The following HSPG2 variants were observed in gnomAD, a reference collection of about 807,000 sequenced individuals.
HSPG2 encodes the protein heparan sulfate proteoglycan 2.
Under a neutral mutation model 526.6 loss-of-function variants are expected in HSPG2, and 278 were observed. The ratio of observed to expected loss-of-function variants is 0.53; its 90% CI spans 0.48 to 0.58. HSPG2 has a LOEUF of 0.58. Among genes scored for constraint, HSPG2 ranks in the 20% least tolerant of loss-of-function variants. The probability of loss-of-function intolerance (pLI) is 0.00; values close to 1 mark genes in which losing one functional copy is unlikely to be tolerated. For missense variants in HSPG2, 5,354 were observed against 6,099.5 expected (o/e 0.88, Z 4.07); for synonymous variants, 2,465 against 2,555.4 (o/e 0.96, Z 1.07).
Position 21,890,504 on chromosome 1 carries a change from C to T in HSPG2, c.355-19G>A. 6.2e-7 allele frequency: 1 copy of T among 1,613,716 alleles called. No individual in the cohort carries two copies. The highest frequency in any genetic ancestry group is 1.1e-5 in the South Asian group (1 of 91,072). ...ACTCCAGCTGGGGAGGGACACAGTG[C>T]CATCAGCCCCAGAGGCCTTCACCCC... On this transcript the variant is annotated intron_variant, in intron 4 of 96. Transcript: ENST00000374695. The surrounding 1 kb of genome is among the most constrained non-coding windows in gnomAD (Gnocchi z 4.1).
Position 21,828,877 on chromosome 1 carries a change from C to T in HSPG2, c.12195G>A (p.Pro4065=), listed in dbSNP as rs573932867. 74 of 1,552,728 alleles carry T rather than the reference C, an allele frequency of 4.8e-5. 1 individual carries two copies. The highest frequency in any genetic ancestry group is 3.3e-4 in the African/African-American group (24 of 73,254). ...GGAAGTGAGCGCTCATGTTGGTGGC[C>T]GGGGACAGTGGCACGGAAGGCTCCA... ...GGVEPSVPLS[P]ATNMSAHFRG... The change falls in exon 88 of 97, where the codon CCG becomes CCA. Residue 4065 remains proline (P), a synonymous_variant. Coordinates refer to ENST00000374695, the MANE Select transcript of HSPG2 (RefSeq NM_005529.7). The surrounding 1 kb of genome is among the most constrained non-coding windows in gnomAD (Gnocchi z 6.0).
In HSPG2 at chr1:21,873,364, A is replaced by T. The variant is rs750917612; in HGVS notation, c.3793+11T>A. ...TAACCCGACCCCAATGACCTCCCCA[A>T]TCCTACTCACTCTGGCATGGCTGGC... On this transcript the variant is annotated intron_variant, in intron 30 of 96. Coordinates refer to ENST00000374695, the MANE Select transcript of HSPG2 (RefSeq NM_005529.7). 6.2e-7 allele frequency: 1 copy of T among 1,614,122 alleles called. No homozygotes were observed. The highest frequency in any genetic ancestry group is 1.1e-5 in the South Asian group (1 of 91,074).
rs140197256 is a variant in HSPG2, at chr1:21,839,073, G to A, written c.9902C>T (p.Ala3301Val). Residue 3301 changes from alanine to valine, a missense_variant, in exon 74 of 97, where the codon GCC (alanine) becomes GTC (valine). Transcript: ENST00000374695. This position sits in a 1 kb window ranked among gnomAD's most constrained non-coding sequence, Gnocchi z 4.5. The part of the protein sequence containing the change: ...IILHVESPPY[A>V]TTVPEHASVQ... ...CGAAGCGTGCTCTGGGACCGTGGTG[G>A]CATATGGTGGGCCTGAGTGGGGGGA... The A allele has an allele frequency of 1.0e-4, 165 of 1,584,596 alleles. No individual in the cohort carries two copies. The highest frequency in any genetic ancestry group is 1.4e-4 in the Non-Finnish European group (161 of 1,160,240).
chr1:21,869,805 G>T, intron 33 of HSPG2: 1 of 883,536 alleles, frequency 1.1e-6, no homozygotes, highest in Non-Finnish European at 1.4e-6. Flanking sequence ...TGGCACTCTG[G>T]CCCTTGTACC....
intron 1 of HSPG2, among the ~76,000 whole-genome samples, chr1:21,927,578 T>C (rs1289864683): frequency 6.6e-6 from 1 of 151,942 alleles, no homozygotes; most frequent in African/African-American, 2.4e-5. Flanking sequence ...ACATCCTTTC[T>C]GCACCCATGG....
chr1:21,910,438 A>G (rs1643600164), intron 1 of HSPG2, among the ~76,000 whole-genome samples: 1 of 152,144 alleles, frequency 6.6e-6, no homozygotes, highest in Non-Finnish European at 1.5e-5. Flanking sequence ...CCCTCAGAAA[A>G]GCTGGGTCCT....
rs771793047 is a variant in HSPG2, at chr1:21,828,620, A to G, written c.12238-194T>C. Among the ~76,000 whole-genome samples, 1 of 152,198 alleles carries G rather than the reference A, an allele frequency of 6.6e-6. No homozygotes were observed. The highest frequency in any genetic ancestry group is 2.1e-4 in the South Asian group (1 of 4,828). ...TGTGTGCTAGAAACATTCATCCGTC[A>G]GTGCAGACAATCCTCTGCCCAACCT... On this transcript the variant is annotated intron_variant, in intron 88 of 96. Coordinates refer to ENST00000374695, the MANE Select transcript of HSPG2 (RefSeq NM_005529.7). The surrounding 1 kb of genome is among the most constrained non-coding windows in gnomAD (Gnocchi z 6.0).
rs574964424 is a variant in HSPG2 at position 21,904,920 on chromosome 1, C to T, written c.64-8610G>A. ...ACCAACCTGGTTGGGCCTGCCCATA[C>T]CCTCCTGGGTCACTGCCCACAGATT... On this transcript the variant is annotated intron_variant, in intron 1 of 96. Transcript: ENST00000374695. This position sits in a 1 kb window ranked among gnomAD's most constrained non-coding sequence, Gnocchi z 4.4. Among the ~76,000 whole-genome samples the T allele has an allele frequency of 1.3e-5, 2 of 152,312 alleles. No homozygotes were observed. The highest frequency in any genetic ancestry group is 3.9e-4 in the East Asian group (2 of 5,174).
intron 1 of HSPG2, among the ~76,000 whole-genome samples, chr1:21,902,817 G>A (rs943983320): frequency 2.0e-5 from 3 of 152,156 alleles, no homozygotes; most frequent in South Asian, 2.1e-4. Context: ...GCTTAGCCCC[G>A]CACTCACCAC....
chr1:21,908,409 C>T lies in HSPG2; in HGVS notation c.64-12099G>A, dbSNP rs1028577638. ...TTAAGCACTCTGAGAGCCGAGATAG[C>T]TTCCTGAAACGCGTGAAGGAGAATG... On this transcript the variant is annotated intron_variant, in intron 1 of 96. Transcript: ENST00000374695. 17 of 940,216 alleles carry T rather than the reference C, an allele frequency of 1.8e-5. No homozygotes were observed. The African/African-American group carries it at 2.4e-4, about 14-fold the overall frequency. The allele number at this position is 940,216 out of a possible 1,614,324, so 58.2% of individuals were successfully genotyped here. A position where few individuals can be genotyped will look rare whatever the true frequency, so the allele number is the denominator to read the frequency against.
intron 1 of HSPG2, among the ~76,000 whole-genome samples, chr1:21,915,114 C>T (rs896064559): frequency 1.3e-5 from 2 of 152,380 alleles, no homozygotes; most frequent in South Asian, 4.1e-4. Flanking sequence ...CCAGCCCTCA[C>T]GGGCACCCGG....
chr1:21,899,228 G>C (rs985868047), intron 1 of HSPG2, among the ~76,000 whole-genome samples: 10 of 152,132 alleles, frequency 6.6e-5, no homozygotes, highest in Admixed American at 1.3e-4. Flanking sequence ...TTTGTAAAAA[G>C]CTGAAGATCA....
chr1:21,932,105 A>G (rs928916958), intron 1 of HSPG2, among the ~76,000 whole-genome samples: 12 of 151,636 alleles, frequency 7.9e-5, no homozygotes, highest in Non-Finnish European at 1.3e-4. Flanking sequence ...AGGCGTCCCT[A>G]GGAGACCCCA....
rs541223186 is a variant in HSPG2 at position 21,823,755 on chromosome 1, C to T, written c.12900-36G>A. The T allele has an allele frequency of 2.6e-6, 4 of 1,540,042 alleles. No homozygotes were observed. The Admixed American group carries it at 6.7e-5, about 26-fold the overall frequency. On this transcript the variant is annotated intron_variant, in intron 95 of 96. Transcript: ENST00000374695. Reference sequence around the variant, plus strand: ...ACTGGGTCAGGCCCCTTTCCACAAACTTCCTGGTCCTCCCCGGCCCCACGA... The same window carrying T: ...ACTGGGTCAGGCCCCTTTCCACAAATTTCCTGGTCCTCCCCGGCCCCACGA...
chr1:21,840,649 C>T (rs1441761349), intron 71 of HSPG2, among the ~76,000 whole-genome samples: 1 of 152,100 alleles, frequency 6.6e-6, no homozygotes, highest in African/African-American at 2.4e-5. Flanking sequence ...CCATATTGGC[C>T]AGGGTGGTCT....
chr1:21,890,574 C>T lies in HSPG2; in HGVS notation c.354+11G>A. ...CACACCCGCGAGCTTCCCAAACCCCCTTCACCTCACCGTGTCTACCACAGC... is the reference window on the plus strand; with the variant it reads ...CACACCCGCGAGCTTCCCAAACCCCTTTCACCTCACCGTGTCTACCACAGC... On this transcript the variant is annotated intron_variant, in intron 4 of 96. Transcript: ENST00000374695. The surrounding 1 kb of genome is among the most constrained non-coding windows in gnomAD (Gnocchi z 4.1). The T allele has an allele frequency of 6.2e-7, 1 of 1,611,590 alleles. No homozygotes were observed. The highest frequency in any genetic ancestry group is 1.3e-5 in the African/African-American group (1 of 75,004).
At chr1:21,936,943 C>A (rs1408295897) in intron 1 of HSPG2, among the ~76,000 whole-genome samples, 2 of 152,080 alleles carry the variant, frequency 1.3e-5, no homozygotes, top group Non-Finnish European at 2.9e-5. Context: ...CCCAGCCCCA[C>A]GAAGGGTCCT....
intron 1 of HSPG2, among the ~76,000 whole-genome samples, chr1:21,927,505 G>A (rs559103405): frequency 1.4e-5 from 2 of 140,190 alleles, no homozygotes; most frequent in South Asian, 5.0e-4. Context: ...GGGGGACAGG[G>A]CTAGGATGGG....
At chr1:21,934,737 AG>A (rs753697509) in intron 1 of HSPG2, among the ~76,000 whole-genome samples, 26 of 151,698 alleles carry the variant, frequency 1.7e-4, no homozygotes, top group Non-Finnish European at 5.9e-5. Flanking sequence ...CTGGGACTAC[AG>A]GTACGTGCCA....
Sources: gnomAD v4.1 joint callset for allele counts (sites outside exome capture counted in the v4.1 genomes callset) on GRCh38, gnomAD v4.1.1 for gene constraint, Gnocchi (gnomAD v3.1) non-coding constraint, MANE v1.5 for transcripts, NCBI Gene and HGNC (gene_info 2026-07-23, HGNC 2026-07-21) for gene names.